Variants in CSMD1 observed in about 807,000 individuals in gnomAD.
CSMD1 encodes CUB and Sushi multiple domains 1, also known as CUB and sushi domain-containing protein 1.
In CSMD1, 213 loss-of-function variants were observed where a neutral mutation model predicts 417.5. The observed-to-expected ratio is 0.51, with a 90% CI of 0.46 to 0.57. The LOEUF is 0.57. Among genes scored for constraint, CSMD1 ranks in the 20% least tolerant of loss-of-function variants. The pLI is 0.00. For synonymous variants in CSMD1, 2,862 were observed against 1,736.8 expected, an observed-to-expected ratio of 1.65 and a Z score of -16.11; for missense variants, 6,923 against 4,529.7, an observed-to-expected ratio of 1.53 and a Z score of -15.17.
At chr8:3,382,691 C>T (rs1161286276) in intron 18 of CSMD1, among the ~76,000 whole-genome samples, 1 of 149,890 alleles carries the variant, frequency 6.7e-6, no homozygotes, top group East Asian at 1.9e-4. Flanking sequence ...TCTCATAGAT[C>T]TGTTGGCTTA....
chr8:4,294,185 A>G (rs562168342), intron 3 of CSMD1, among the ~76,000 whole-genome samples: 4 of 152,310 alleles, frequency 2.6e-5, no homozygotes, highest in Non-Finnish European at 5.9e-5. Context: ...AGCAGCAACT[A>G]CACCCCAATT....
chr8:3,583,163 C>G (rs1350502062), intron 9 of CSMD1, among the ~76,000 whole-genome samples: 2 of 151,956 alleles, frequency 1.3e-5, no homozygotes, highest in South Asian at 2.1e-4. Flanking sequence ...ATAGTGCCAG[C>G]CCTACCAATC....
At chr8:3,905,469 G>C (rs909622544) in intron 5 of CSMD1, among the ~76,000 whole-genome samples, 1 of 152,218 alleles carries the variant, frequency 6.6e-6, no homozygotes. Context: ...CGGGTCCAAT[G>C]ACGGTGACTT....
intron 3 of CSMD1, among the ~76,000 whole-genome samples, chr8:4,163,506 G>C (rs965598073): frequency 2.0e-5 from 3 of 152,134 alleles, no homozygotes; most frequent in Admixed American, 6.6e-5. Flanking sequence ...TCACAGTACA[G>C]ACATTGTTTT....
At chr8:4,582,854 T>C (rs1019246453) in intron 2 of CSMD1, among the ~76,000 whole-genome samples, 3 of 152,206 alleles carry the variant, frequency 2.0e-5, no homozygotes, top group Admixed American at 1.3e-4. Context: ...GAACCAGGGC[T>C]GTGCGAGGCA....
At chr8:3,531,328 A>G (rs559735081) in intron 10 of CSMD1, among the ~76,000 whole-genome samples, 5 of 152,194 alleles carry the variant, frequency 3.3e-5, no homozygotes, top group African/African-American at 4.8e-5. Context: ...CCTTTAACTA[A>G]AATCTTTTTT....
rs1273891642 is a variant in CSMD1 at position 4,189,464 on chromosome 8, G to C, written c.416-157365C>G. On this transcript the variant is annotated intron_variant, in intron 3 of 69. Transcript: ENST00000635120. ...TCCAGCAAAGTATGTTTGCAGAAAAGAAAAACAAAATTTTTCCGCTAGACA... is the reference window on the plus strand; with the variant it reads ...TCCAGCAAAGTATGTTTGCAGAAAACAAAAACAAAATTTTTCCGCTAGACA... Among the ~76,000 whole-genome samples the C allele has an allele frequency of 3.3e-5, 5 of 152,158 alleles. No individual in the cohort carries two copies. In the East Asian group the frequency reaches 7.7e-4, roughly 24 times the overall value.
chr8:3,707,063 C>G (rs954821007), intron 7 of CSMD1, among the ~76,000 whole-genome samples: 6 of 152,054 alleles, frequency 3.9e-5, no homozygotes, highest in Non-Finnish European at 1.5e-5. Context: ...TAGCTCCTCT[C>G]TGCCTCTGAG....
At chr8:3,017,114 A>G (rs769808029) in intron 52 of CSMD1, among the ~76,000 whole-genome samples, 11 of 152,258 alleles carry the variant, frequency 7.2e-5, no homozygotes, top group Non-Finnish European at 1.5e-4. Flanking sequence ...TAGAGCAGCA[A>G]TCAACTGTAA....
chr8:3,291,592 A>G (rs1380067456), intron 25 of CSMD1, among the ~76,000 whole-genome samples: 1 of 152,038 alleles, frequency 6.6e-6, no homozygotes, highest in Non-Finnish European at 1.5e-5. Flanking sequence ...CATTTTTTCT[A>G]GATATTCTAG....
chr8:3,515,285 G>A (rs1382656266), intron 10 of CSMD1: 3 of 152,136 alleles, frequency 2.0e-5, no homozygotes, highest in Admixed American at 6.6e-5. Flanking sequence ...TGGAGTATGT[G>A]GTGTAAATAA....
In CSMD1 at chr8:4,614,471, T is replaced by C. The variant is rs188688534; in HGVS notation, c.302+22871A>G. Among the ~76,000 whole-genome samples the C allele has an allele frequency of 2.9e-3, 444 of 152,292 alleles. 3 individuals carry two copies. The highest frequency in any genetic ancestry group is 4.1e-3 in the Non-Finnish European group (282 of 68,032). Reference sequence around the variant, plus strand: ...TTTTTATTTGGGCCTTAGTAAATTATGTCACCTCTAAACTGATCTCTTTAT... The same window carrying C: ...TTTTTATTTGGGCCTTAGTAAATTACGTCACCTCTAAACTGATCTCTTTAT... On this transcript the variant is annotated intron_variant, in intron 2 of 69. Transcript: ENST00000635120.
At chr8:4,711,509 G>C (rs948125062) in intron 1 of CSMD1, among the ~76,000 whole-genome samples, 5 of 151,700 alleles carry the variant, frequency 3.3e-5, no homozygotes, top group African/African-American at 1.2e-4. Context: ...AAGTATTTTT[G>C]GGACATCTGT....
chr8:3,123,966 C>G (rs747050164), intron 41 of CSMD1, among the ~76,000 whole-genome samples: 9 of 152,176 alleles, frequency 5.9e-5, no homozygotes, highest in Non-Finnish European at 5.9e-5. Flanking sequence ...GTTGAAGGCT[C>G]TAGCGCCCTT....
intron 23 of CSMD1, among the ~76,000 whole-genome samples, chr8:3,310,561 A>G (rs1422183085): frequency 6.6e-6 from 1 of 152,222 alleles, no homozygotes; most frequent in Non-Finnish European, 1.5e-5. Flanking sequence ...TGCTTATCCA[A>G]TGTCATTGGA....
At chr8:3,616,677 C>G (rs757839594) in intron 8 of CSMD1, 33 bp downstream of exon 8, 94 of 1,340,060 alleles carry the variant, frequency 7.0e-5, no homozygotes, top group Non-Finnish European at 7.8e-5. Flanking sequence ...TTAAAAATAA[C>G]ATGCTTTTTT....
At chr8:4,489,807 A>T (rs1427189565) in intron 2 of CSMD1, among the ~76,000 whole-genome samples, 5 of 152,132 alleles carry the variant, frequency 3.3e-5, no homozygotes, top group African/African-American at 1.2e-4. Flanking sequence ...CTGAGAGGAG[A>T]ACATAGTCAG....
chr8:4,196,639 C>T (rs931212124), intron 3 of CSMD1, among the ~76,000 whole-genome samples: 1 of 152,138 alleles, frequency 6.6e-6, no homozygotes, highest in Non-Finnish European at 1.5e-5. Flanking sequence ...TGGGTCCAGT[C>T]CTCATTGAAT....
At chr8:3,692,903 A>C (rs1386030410) in intron 7 of CSMD1, among the ~76,000 whole-genome samples, 1 of 152,206 alleles carries the variant, frequency 6.6e-6, no homozygotes, top group African/African-American at 2.4e-5. Flanking sequence ...TATCCTAACA[A>C]AATGCCATTC....
Sources: allele counts gnomAD v4.1 joint callset (sites outside exome capture counted in the v4.1 genomes callset), GRCh38; gene constraint gnomAD v4.1.1; transcripts MANE v1.5; gene names NCBI Gene and HGNC (gene_info 2026-07-23, HGNC 2026-07-21).